Variants in SFMBT1 observed in about 807,000 individuals in gnomAD.
SFMBT1 encodes scm-like with four MBT domains protein 1.
Under a neutral mutation model 108.7 loss-of-function variants are expected in SFMBT1, and 32 were observed. The ratio of observed to expected loss-of-function variants is 0.29; its 90% CI spans 0.22 to 0.40. The LOEUF is 0.40. Among genes scored for constraint, SFMBT1 ranks in the 10% least tolerant of loss-of-function variants. The pLI is 1.00. For missense variants in SFMBT1, 816 were observed against 1,059.6 expected (o/e 0.77, Z 3.19); for synonymous variants, 348 against 369.5 (o/e 0.94, Z 0.67).
At chr3:52,985,448 C>T (rs577172507) in intron 1 of SFMBT1, among the ~76,000 whole-genome samples, 1 of 152,278 alleles carries the variant, frequency 6.6e-6, no homozygotes, top group East Asian at 1.9e-4. Flanking sequence ...AATAATTAGG[C>T]ACACAGAACA....
At chr3:52,950,340 A>G (rs1398025538) in intron 3 of SFMBT1, among the ~76,000 whole-genome samples, 2 of 152,230 alleles carry the variant, frequency 1.3e-5, no homozygotes, top group African/African-American at 4.8e-5. Context: ...GTGATTTTAA[A>G]AAACCCTTAT....
At chr3:53,043,852 A>T (rs202180194) in intron 1 of SFMBT1, among the ~76,000 whole-genome samples, 1 of 152,164 alleles carries the variant, frequency 6.6e-6, no homozygotes, top group East Asian at 1.9e-4. Flanking sequence ...AGCTATCCTC[A>T]GTTTGTTAGT....
At chr3:53,012,421 G>C (rs986582753) in intron 1 of SFMBT1, among the ~76,000 whole-genome samples, 6 of 149,342 alleles carry the variant, frequency 4.0e-5, no homozygotes, top group Non-Finnish European at 7.4e-5. Context: ...TTTTTTTCCC[G>C]AGACGGAGTC....
At chr3:52,959,322 A>G (rs527934284) in intron 2 of SFMBT1, among the ~76,000 whole-genome samples, 1 of 152,270 alleles carries the variant, frequency 6.6e-6, no homozygotes, top group African/African-American at 2.4e-5. Context: ...ACTTCCCACC[A>G]TATCTACTGG....
rs773235951 is a variant in SFMBT1, at chr3:52,905,264, G to T, written c.2473C>A (p.Gln825Lys). The T allele has an allele frequency of 1.2e-6, 2 of 1,611,316 alleles. No homozygotes were observed. The highest frequency in any genetic ancestry group is 3.4e-5 in the Admixed American group (2 of 59,470). Reference sequence around the variant, plus strand: ...GGAAGGGTAAGGAGCAACAGGGCCTGCCCATCAATTTCCTGTTAAAGCATA... The same window carrying T: ...GGAAGGGTAAGGAGCAACAGGGCCTTCCCATCAATTTCCTGTTAAAGCATA... ...RIFLDQEIDG[Q>K]ALLLLTLPTV... The change falls in exon 21 of 21, where the codon CAG becomes AAG. Residue 825 changes from glutamine (Q) to lysine (K), a missense_variant. This residue lies in a region of SFMBT1 where 49 missense variants were observed against 91.8 expected (regional missense o/e 0.53). Coordinates refer to ENST00000394752, the MANE Select transcript of SFMBT1 (RefSeq NM_016329.4).
At chr3:53,006,456 C>T (rs1019570987) in intron 1 of SFMBT1, among the ~76,000 whole-genome samples, 5 of 152,040 alleles carry the variant, frequency 3.3e-5, no homozygotes, top group Admixed American at 3.3e-4. Flanking sequence ...TGGTGAAACC[C>T]CGTCTCTACT....
At position 52,907,665 on chromosome 3, in the gene SFMBT1, A is replaced by G; in HGVS notation, c.1975T>C (p.Cys659Arg). ...RPPGGHSNLA[C>R]ALKKASKRRK... ...CTCTTACTGGCTTTTTTCAGGGCAC[A>G]AGCTAAGTTACTATGCCCACCAGGT... The change falls in exon 18 of 21, where the codon TGT becomes CGT. Residue 659 changes from cysteine (C) to arginine (R), a missense_variant. Cys to Arg is a radical substitution (Grantham distance 180). Coordinates refer to ENST00000394752, the MANE Select transcript of SFMBT1 (RefSeq NM_016329.4). 1 of 1,614,204 alleles carries G rather than the reference A, an allele frequency of 6.2e-7. No homozygotes were observed. The highest frequency in any genetic ancestry group is 1.6e-4 in the Middle Eastern group (1 of 6,062).
intron 2 of SFMBT1, among the ~76,000 whole-genome samples, chr3:52,956,364 G>A (rs1703783655): frequency 6.6e-6 from 1 of 152,078 alleles, no homozygotes; most frequent in Non-Finnish European, 1.5e-5. Context: ...GGAGGCTGAG[G>A]CAGGAGAATT....
chr3:52,911,762 A>G (rs1702219426), intron 16 of SFMBT1, among the ~76,000 whole-genome samples: 1 of 152,138 alleles, frequency 6.6e-6, no homozygotes. Flanking sequence ...GTGCAGTGGC[A>G]TGATCTCAGC....
At chr3:53,023,697 G>C (rs72965358) in intron 1 of SFMBT1, among the ~76,000 whole-genome samples, 4,484 of 152,200 alleles carry the variant, frequency 0.029, 261 homozygotes, top group African/African-American at 0.1. Context: ...TGGTTGCAGC[G>C]AACTCCAGTA....
At chr3:52,989,110 T>C (rs753672603) in intron 1 of SFMBT1, among the ~76,000 whole-genome samples, 1 of 152,192 alleles carries the variant, frequency 6.6e-6, no homozygotes, top group Non-Finnish European at 1.5e-5. Context: ...CACTTTTCTA[T>C]TCTTTCCTTA....
At chr3:52,981,529 ATTTTT>A (rs34406724) in intron 1 of SFMBT1, among the ~76,000 whole-genome samples, 10 of 133,024 alleles carry the variant, frequency 7.5e-5, no homozygotes, top group Non-Finnish European at 1.1e-4. Flanking sequence ...TGCTCAGCTA[ATTTTT>A]TTTTTTTTTT....
intron 3 of SFMBT1, among the ~76,000 whole-genome samples, chr3:52,953,245 T>C (rs576470231): frequency 6.6e-6 from 1 of 152,112 alleles, no homozygotes; most frequent in Non-Finnish European, 1.5e-5. Context: ...GCAGGAAGAT[T>C]GTTTAAGCCC....
intron 1 of SFMBT1, among the ~76,000 whole-genome samples, chr3:52,993,021 T>G (rs1032610052): frequency 1.3e-5 from 2 of 152,208 alleles, no homozygotes; most frequent in Non-Finnish European, 2.9e-5. Context: ...TACTCATCCT[T>G]TAATTTAAAA....
chr3:53,006,895 C>T (rs1698763395), intron 1 of SFMBT1, among the ~76,000 whole-genome samples: 3 of 152,172 alleles, frequency 2.0e-5, no homozygotes, highest in Non-Finnish European at 4.4e-5. Context: ...AATTGCTGCT[C>T]CGGGCAGTTC....
intron 1 of SFMBT1, among the ~76,000 whole-genome samples, chr3:52,985,895 C>T (rs1296230176): frequency 1.3e-5 from 2 of 152,124 alleles, no homozygotes; most frequent in Non-Finnish European, 2.9e-5. Flanking sequence ...GTAATCCCAG[C>T]ACTTTGGGAG....
chr3:53,046,016 CCACCCGCGCTCCGGCGGAGGCGG>C lies in SFMBT1; in HGVS notation c.-354_-332del, dbSNP rs1277298502. 1.3e-4 allele frequency: 19 copies of C among 151,776 alleles called. No homozygotes were observed. The highest frequency in any genetic ancestry group is 9.8e-4 in the Admixed American group (15 of 15,248). The allele number at this position is 151,776 out of a possible 1,614,324, so 9.4% of individuals were successfully genotyped here. ...GGCCGGCAGCTCTCCCCGCCCCCCT[CCACCCGCGCTCCGGCGGAGGCGG>C]CGGCGGCGCTCCGCGCTCCGACTCA... On this transcript the variant is annotated 5_prime_UTR_variant, in exon 1 of 21. The change abolishes the stop of an existing upstream ORF in the 5' untranslated region. Coordinates refer to ENST00000394752, the MANE Select transcript of SFMBT1 (RefSeq NM_016329.4).
chr3:53,004,376 G>GA lies in SFMBT1; in HGVS notation c.-130-35119dup, dbSNP rs766052071. ...AAAGCTCTACCTCCTGGGTTCAAGC[G>GA]ATTCTCCTGCCTCAGCCTCCCAAGT... On this transcript the variant is annotated intron_variant, in intron 1 of 20. Coordinates refer to ENST00000394752, the MANE Select transcript of SFMBT1 (RefSeq NM_016329.4). Among the ~76,000 whole-genome samples, 21 of 149,182 alleles carry GA rather than the reference G, an allele frequency of 1.4e-4. 1 individual carries two copies. The highest frequency in any genetic ancestry group is 2.9e-4 in the Non-Finnish European group (19 of 66,614).
intron 1 of SFMBT1, among the ~76,000 whole-genome samples, chr3:53,001,218 T>G (rs1351819404): frequency 6.7e-6 from 1 of 150,184 alleles, no homozygotes. Flanking sequence ...ACATAAATAT[T>G]AAAGTTCTTT....
Sources: allele counts gnomAD v4.1 joint callset (sites outside exome capture counted in the v4.1 genomes callset), GRCh38; gene constraint gnomAD v4.1.1; regional missense constraint gnomAD v4.1.1; transcripts MANE v1.5; gene names NCBI Gene and HGNC (gene_info 2026-07-23, HGNC 2026-07-21).